Variants in SRBD1 observed in about 807,000 individuals in gnomAD.
SRBD1 encodes the protein S1 RNA binding domain 1, also known as S1 RNA-binding domain-containing protein 1.
SRBD1 carries 88 observed loss-of-function variants against 115.3 expected under a neutral mutation model. The ratio of observed to expected loss-of-function variants is 0.76; its 90% CI spans 0.64 to 0.91. The LOEUF is 0.91. Among genes scored for constraint, SRBD1 ranks in the 40% least tolerant of loss-of-function variants. The pLI is 0.00. For missense variants in SRBD1, 1,385 were observed against 1,177.4 expected (o/e 1.18, Z -2.58); for synonymous variants, 509 against 407.7 (o/e 1.25, Z -2.99).
intron 14 of SRBD1, among the ~76,000 whole-genome samples, chr2:45,499,806 C>T (rs188600988): frequency 3.9e-4 from 59 of 152,130 alleles, no homozygotes; most frequent in African/African-American, 1.3e-3. Context: ...GTTGACTCCA[C>T]GTGTACAGAT....
intron 11 of SRBD1, among the ~76,000 whole-genome samples, chr2:45,552,235 GTCC>G (rs1409669836): frequency 6.6e-6 from 1 of 152,176 alleles, no homozygotes; most frequent in Non-Finnish European, 1.5e-5. Context: ...AAGTGGGAGT[GTCC>G]TCCTCTTTAA....
At chr2:45,468,238 T>C (rs1045203376) in intron 16 of SRBD1, among the ~76,000 whole-genome samples, 2 of 152,052 alleles carry the variant, frequency 1.3e-5, no homozygotes, top group African/African-American at 4.8e-5. Context: ...TCTTATGAGG[T>C]TTCTCCATAT....
At chr2:45,550,944 T>C (rs116482657) in intron 12 of SRBD1, among the ~76,000 whole-genome samples, 181 bp downstream of exon 12, 2,111 of 152,324 alleles carry the variant, frequency 0.014, 48 homozygotes, top group African/African-American at 0.039. Flanking sequence ...ATTGAGGAGT[T>C]TGATCAACAA....
In SRBD1 at chr2:45,478,378, A is replaced by G. The variant is rs1336180981; in HGVS notation, c.1967-1303T>C. Among the ~76,000 whole-genome samples the G allele has an allele frequency of 2.0e-5, 3 of 152,216 alleles. No homozygotes were observed. The East Asian group carries it at 5.8e-4, about 29-fold the overall frequency. ...GATCTACTTATCTACTGTGAACATC[A>G]AGTTCAACACATGATCATTCAAGTC... On this transcript the variant is annotated intron_variant, in intron 15 of 20. Coordinates refer to ENST00000263736, the MANE Select transcript of SRBD1 (RefSeq NM_018079.5).
At chr2:45,518,250 C>A (rs1431294673) in intron 14 of SRBD1, among the ~76,000 whole-genome samples, 1 of 152,044 alleles carries the variant, frequency 6.6e-6, no homozygotes, top group South Asian at 2.1e-4. Flanking sequence ...ATAAAACTAG[C>A]AAAATATCCA....
intron 16 of SRBD1, among the ~76,000 whole-genome samples, chr2:45,441,549 G>C (rs1459288200): frequency 6.6e-6 from 1 of 152,116 alleles, no homozygotes; most frequent in East Asian, 1.9e-4. Flanking sequence ...TGGCCATTTA[G>C]ACTTTTCTTT....
chr2:45,545,306 A>AAAAAAAAAAAAAAAAC (rs1558468083), intron 14 of SRBD1, among the ~76,000 whole-genome samples: 3 of 142,526 alleles, frequency 2.1e-5, no homozygotes, highest in African/African-American at 8.3e-5. Context: ...AAAAAAAAAA[A>AAAAAAAAAAAAAAAAC]AAAAAAAAAC....
chr2:45,554,726 T>C (rs778229591), intron 10 of SRBD1, among the ~76,000 whole-genome samples: 3 of 151,990 alleles, frequency 2.0e-5, no homozygotes, highest in Admixed American at 6.5e-5. Flanking sequence ...GAAATGAAAA[T>C]AAACCAAGCT....
chr2:45,599,355 AC>A, intron 4 of SRBD1, 93 bp downstream of exon 4: 6 of 1,482,324 alleles, frequency 4.0e-6, no homozygotes, highest in Non-Finnish European at 4.5e-6. Context: ...AGAATTGAAA[AC>A]CCCCAGCCCT....
intron 14 of SRBD1, among the ~76,000 whole-genome samples, chr2:45,502,012 C>T (rs937619959): frequency 2.6e-5 from 4 of 152,148 alleles, no homozygotes; most frequent in Admixed American, 6.5e-5. Flanking sequence ...CCCTGACCTC[C>T]GAGTAGCCTA....
intron 15 of SRBD1, among the ~76,000 whole-genome samples, chr2:45,481,917 T>C (rs1237602148): frequency 6.6e-6 from 1 of 152,242 alleles, no homozygotes; most frequent in East Asian, 1.9e-4. Flanking sequence ...GGAAAATCCA[T>C]ACAGAGAGAA....
chr2:45,567,467 G>A (rs1672866861), intron 9 of SRBD1, among the ~76,000 whole-genome samples: 1 of 152,132 alleles, frequency 6.6e-6, no homozygotes, highest in African/African-American at 2.4e-5. Flanking sequence ...AAATCAGCCA[G>A]GTGTGCTTGT....
At chr2:45,605,708 A>G (rs997506429) in intron 1 of SRBD1, among the ~76,000 whole-genome samples, 1 of 152,180 alleles carries the variant, frequency 6.6e-6, no homozygotes, top group Non-Finnish European at 1.5e-5. Flanking sequence ...GTTCGAGACC[A>G]GCCTGGCCAA....
At chr2:45,511,746 T>C (rs1050858661) in intron 14 of SRBD1, among the ~76,000 whole-genome samples, 12 of 152,218 alleles carry the variant, frequency 7.9e-5, no homozygotes, top group Non-Finnish European at 1.5e-4. Context: ...AATTATCAAA[T>C]ACTTCCCAGT....
intron 19 of SRBD1, among the ~76,000 whole-genome samples, chr2:45,408,383 G>T (rs1209785062): frequency 6.6e-6 from 1 of 152,144 alleles, no homozygotes; most frequent in Non-Finnish European, 1.5e-5. Flanking sequence ...CCAAAAGGCC[G>T]AGAAGCGATC....
chr2:45,464,826 C>T (rs548299636), intron 16 of SRBD1, among the ~76,000 whole-genome samples: 1 of 151,666 alleles, frequency 6.6e-6, no homozygotes, highest in African/African-American at 2.4e-5. Flanking sequence ...AAAATGTATA[C>T]AAAAGTATAA....
At chr2:45,593,846 G>A (rs1673802928) in intron 4 of SRBD1, among the ~76,000 whole-genome samples, 2 of 152,110 alleles carry the variant, frequency 1.3e-5, no homozygotes, top group South Asian at 4.2e-4. Flanking sequence ...AAAAACCAGT[G>A]CTGTTAGAAA....
intron 16 of SRBD1, among the ~76,000 whole-genome samples, chr2:45,455,415 G>T (rs1362680830): frequency 1.3e-5 from 2 of 151,776 alleles, no homozygotes; most frequent in African/African-American, 4.8e-5. Flanking sequence ...CATCACCTGG[G>T]CTGCCTAAAT....
At chr2:45,471,442 T>G (rs1669644000) in intron 16 of SRBD1, among the ~76,000 whole-genome samples, 1 of 152,190 alleles carries the variant, frequency 6.6e-6, no homozygotes, top group Non-Finnish European at 1.5e-5. Flanking sequence ...TAAAAACTAT[T>G]TTGCTATTGT....
Sources: gnomAD v4.1 joint callset for allele counts (sites outside exome capture counted in the v4.1 genomes callset) on GRCh38, gnomAD v4.1.1 for gene constraint, MANE v1.5 for transcripts, NCBI Gene and HGNC (gene_info 2026-07-23, HGNC 2026-07-21) for gene names.